Variants in TXNL1 observed in about 807,000 individuals in gnomAD.
TXNL1 encodes the protein thioredoxin like 1.
Under a neutral mutation model 35.5 loss-of-function variants are expected in TXNL1, and 14 were observed. That is an observed-to-expected ratio of 0.39 (90% CI 0.26 to 0.62). The LOEUF is 0.62. Ranked by LOEUF, TXNL1 falls within the 20% of genes least tolerant of loss-of-function variation. The pLI, the probability that TXNL1 is intolerant of heterozygous loss-of-function variation, is 0.47. For missense variants in TXNL1, 263 were observed against 349.7 expected (o/e 0.75, Z 1.98); for synonymous variants, 110 against 115.5 (o/e 0.95, Z 0.31).
intron 3 of TXNL1, among the ~76,000 whole-genome samples, chr18:56,620,471 C>T (rs972197249): frequency 2.6e-5 from 4 of 152,138 alleles, no homozygotes; most frequent in Admixed American, 2.6e-4. Context: ...ATTACCTGAT[C>T]TTTATACGGA....
chr18:56,617,839 ATGTAT>A (rs143327606), intron 4 of TXNL1, among the ~76,000 whole-genome samples, 160 bp downstream of exon 4: 4,547 of 152,304 alleles, frequency 0.03, 229 homozygotes, highest in African/African-American at 0.1. Flanking sequence ...GAAGGTGGGT[ATGTAT>A]GGTCAAAAAA....
rs1428386219 is a variant in TXNL1, at chr18:56,600,957, C to A, written c.*2070G>T. Reference sequence around the variant, plus strand: ...ATCAAAATACAGAGATCATGAAATTCTTTTTTGCTATGTCCGACAAAATGA... The same window carrying A: ...ATCAAAATACAGAGATCATGAAATTATTTTTTGCTATGTCCGACAAAATGA... On this transcript the variant is annotated 3_prime_UTR_variant, in exon 8 of 8. Transcript: ENST00000217515. The A allele has an allele frequency of 6.6e-6, 1 of 152,156 alleles. No individual in the cohort carries two copies. The highest frequency in any genetic ancestry group is 1.5e-5 in the Non-Finnish European group (1 of 68,016). The allele number at this position is 152,156 out of a possible 1,614,324, so 9.4% of individuals were successfully genotyped here.
In TXNL1 at chr18:56,638,520, A is replaced by C. The variant is rs946252834; in HGVS notation, c.-80T>G. ...GAGAAGACGATCTGGGAGAGGAAGGAGAGATGCTCAGGAAGGCCGAGGCCT... is the reference window on the plus strand; with the variant it reads ...GAGAAGACGATCTGGGAGAGGAAGGCGAGATGCTCAGGAAGGCCGAGGCCT... On this transcript the variant is annotated 5_prime_UTR_variant, in exon 1 of 8. Transcript: ENST00000217515. 3.3e-5 allele frequency: 48 copies of C among 1,439,320 alleles called. No homozygotes were observed. The highest frequency in any genetic ancestry group is 7.5e-5 in the South Asian group (6 of 80,520). The allele number at this position is 1,439,320 out of a possible 1,614,324, so 89.2% of individuals were successfully genotyped here.
Position 56,626,062 on chromosome 18 carries a change from C to A in TXNL1, c.195+299G>T, listed in dbSNP as rs1001268272. 13 of 486,896 alleles carry A rather than the reference C, an allele frequency of 2.7e-5. No individual in the cohort carries two copies. In the Admixed American group the frequency reaches 3.2e-4, roughly 12 times the overall value. The allele number at this position is 486,896 out of a possible 1,614,324, so 30.2% of individuals were successfully genotyped here. On this transcript the variant is annotated intron_variant, in intron 2 of 7. Coordinates refer to ENST00000217515, the MANE Select transcript of TXNL1 (RefSeq NM_004786.3). ...TACCTCGGGGGTAGAAGATATAATTCTAGGTTTGCAAAACATAAGGAAATG... is the reference window on the plus strand; with the variant it reads ...TACCTCGGGGGTAGAAGATATAATTATAGGTTTGCAAAACATAAGGAAATG...
chr18:56,637,397 G>C (rs1432342994), intron 1 of TXNL1, among the ~76,000 whole-genome samples: 2 of 152,206 alleles, frequency 1.3e-5, no homozygotes, highest in African/African-American at 4.8e-5. Context: ...GGAAAATAAA[G>C]CGGAAACCTC....
Position 56,616,238 on chromosome 18 carries a change from T to C in TXNL1, c.562+7A>G. 1.2e-6 allele frequency: 2 copies of C among 1,612,578 alleles called. No homozygotes were observed. Among genetic ancestry groups the C allele is most frequent in the Non-Finnish European group, 1.7e-6 (2 of 1,178,994 alleles). On this transcript the variant is annotated splice_region_variant and intron_variant, in intron 5 of 7. Transcript: ENST00000217515. Reference sequence around the variant, plus strand: ...GTTAGTTTAAAGAAAAGCTATCCTTTACTCACCATTATCTGGCCCTTGAAA... The same window carrying C: ...GTTAGTTTAAAGAAAAGCTATCCTTCACTCACCATTATCTGGCCCTTGAAA...
intron 1 of TXNL1, among the ~76,000 whole-genome samples, chr18:56,626,797 C>CTTTGTTTTTTT (rs2024289688): frequency 1.8e-5 from 1 of 55,000 alleles, no homozygotes; most frequent in Non-Finnish European, 3.2e-5. Context: ...CCAAGCCGGT[C>CTTTGTTTTTTT]TTTTTTTTTT....
intron 7 of TXNL1, chr18:56,604,470 G>A (rs754803166): frequency 1.3e-5 from 2 of 152,190 alleles, no homozygotes; most frequent in Non-Finnish European, 2.9e-5. Flanking sequence ...ACTTGCCAAT[G>A]TGTATTTTCT....
chr18:56,619,303 C>T (rs1043564110), intron 3 of TXNL1, among the ~76,000 whole-genome samples: 3 of 151,188 alleles, frequency 2.0e-5, no homozygotes, highest in Non-Finnish European at 2.9e-5. Context: ...TTTAGGAGGC[C>T]GAGGCGGGTG....
chr18:56,615,049 G>A (rs1360711894), intron 5 of TXNL1, among the ~76,000 whole-genome samples: 2 of 152,184 alleles, frequency 1.3e-5, no homozygotes, highest in Admixed American at 1.3e-4. Flanking sequence ...CAGTTATTTA[G>A]GAGGAGAGCA....
intron 3 of TXNL1, among the ~76,000 whole-genome samples, chr18:56,623,411 G>A (rs2024222631): frequency 7.0e-6 from 1 of 143,650 alleles, no homozygotes; most frequent in Admixed American, 7.2e-5. Context: ...CTGGGTGACA[G>A]AGGGACTCCG....
intron 7 of TXNL1, among the ~76,000 whole-genome samples, chr18:56,606,712 A>C (rs953383992): frequency 3.3e-5 from 5 of 152,234 alleles, no homozygotes; most frequent in Admixed American, 6.5e-5. Context: ...CCCTTGAACT[A>C]AGCTTTGATT....
chr18:56,618,146 T>G lies in TXNL1; in HGVS notation c.370-20A>C. The G allele has an allele frequency of 6.2e-7, 1 of 1,609,648 alleles. No homozygotes were observed. The highest frequency in any genetic ancestry group is 8.5e-7 in the Non-Finnish European group (1 of 1,177,230). On this transcript the variant is annotated intron_variant, in intron 3 of 7. Transcript: ENST00000217515. Reference sequence around the variant, plus strand: ...ATCCATCTGAAAAAAAATTGCAAGATTTTAGGCAACATATTTGGATTAGGT... The same window carrying G: ...ATCCATCTGAAAAAAAATTGCAAGAGTTTAGGCAACATATTTGGATTAGGT...
intron 2 of TXNL1, 177 bp downstream of exon 2, chr18:56,626,184 A>G: frequency 7.5e-7 from 1 of 1,336,752 alleles, no homozygotes; most frequent in Non-Finnish European, 9.6e-7. Context: ...ATAATGTGCT[A>G]CTCTTCTTAA....
chr18:56,630,684 A>G (rs997263872), intron 1 of TXNL1, among the ~76,000 whole-genome samples: 2 of 152,302 alleles, frequency 1.3e-5, no homozygotes, highest in Non-Finnish European at 2.9e-5. Flanking sequence ...TGAACAGACT[A>G]TTAAAATTAT....
intron 1 of TXNL1, among the ~76,000 whole-genome samples, chr18:56,635,931 T>C (rs1211199448): frequency 1.3e-5 from 2 of 152,304 alleles, no homozygotes; most frequent in East Asian, 3.9e-4. Flanking sequence ...GCTATGTAAA[T>C]AGTTGTTATA....
chr18:56,603,129 T>C, intron 7 of TXNL1, 73 bp from the exon 8 acceptor site: 1 of 1,333,596 alleles, frequency 7.5e-7, no homozygotes. Flanking sequence ...ATACTAATAA[T>C]CAGTTTAAAA....
chr18:56,638,249 G>T, intron 1 of TXNL1, 94 bp downstream of exon 1: 1 of 1,327,580 alleles, frequency 7.5e-7, no homozygotes, highest in Non-Finnish European at 1.0e-6. Context: ...GACACTCCGG[G>T]GCAGCAGACG....
At position 56,602,439 on chromosome 18, in the gene TXNL1, G is replaced by C. The variant is rs2023822950; in HGVS notation, c.*588C>G. ...TCAAATTTTAAAGTTTACCAGAAGA[G>C]ATTAAAATCTTGATATATACCAAGA... On this transcript the variant is annotated 3_prime_UTR_variant, in exon 8 of 8. Coordinates refer to ENST00000217515, the MANE Select transcript of TXNL1 (RefSeq NM_004786.3). 1 of 141,300 alleles carries C rather than the reference G, an allele frequency of 7.1e-6. No homozygotes were observed. Among genetic ancestry groups the C allele is most frequent in the South Asian group, 2.3e-4 (1 of 4,328 alleles). The allele number at this position is 141,300 out of a possible 1,614,324, so 8.8% of individuals were successfully genotyped here.
Sources: allele counts gnomAD v4.1 joint callset (sites outside exome capture counted in the v4.1 genomes callset), GRCh38; gene constraint gnomAD v4.1.1; transcripts MANE v1.5; gene names NCBI Gene and HGNC (gene_info 2026-07-23, HGNC 2026-07-21).